CCDC81: variants seen among roughly 807,000 people sequenced by gnomAD.
The protein encoded by CCDC81 is coiled-coil domain-containing protein 81.
A neutral mutation model predicts 83.7 loss-of-function variants in CCDC81; 79 were observed. The observed-to-expected ratio is 0.94, with a 90% CI of 0.79 to 1.14. The LOEUF is 1.14. CCDC81 is among the 50% of genes most tolerant of loss of function. The pLI is 0.00. For missense variants in CCDC81, 791 were observed against 778.1 expected, an observed-to-expected ratio of 1.02 and a Z score of -0.20; for synonymous variants, 252 against 278.1, an observed-to-expected ratio of 0.91 and a Z score of 0.93.
At chr11:86,415,533 T>C (rs1286695931) in intron 13 of CCDC81, among the ~76,000 whole-genome samples, 1 of 152,204 alleles carries the variant, frequency 6.6e-6, no homozygotes, top group African/African-American at 2.4e-5. Flanking sequence ...ATGAAGAAAA[T>C]GTTATTAAAT....
At chr11:86,412,285 T>G (rs1490168735) in intron 10 of CCDC81, 102 bp from the exon 11 acceptor site, 1 of 967,250 alleles carries the variant, frequency 1.0e-6, no homozygotes, top group Non-Finnish European at 1.5e-6. Flanking sequence ...TGGGCAAATA[T>G]TATAAATTAA....
chr11:86,398,544 A>T (rs79452944), intron 6 of CCDC81, among the ~76,000 whole-genome samples: 1 of 151,224 alleles, frequency 6.6e-6, no homozygotes, highest in African/African-American at 2.4e-5. Flanking sequence ...TTTTTTTTTA[A>T]CCAAAGACTT....
At chr11:86,417,888 CAGGTG>C (rs1948743100) in intron 13 of CCDC81, among the ~76,000 whole-genome samples, 1 of 151,958 alleles carries the variant, frequency 6.6e-6, no homozygotes, top group African/African-American at 2.4e-5. Flanking sequence ...GCTGGGACTA[CAGGTG>C]CATGCCACCA....
chr11:86,392,727 A>T lies in CCDC81; in HGVS notation c.485A>T (p.Lys162Met), dbSNP rs573544982. Reference protein sequence around the residue: ...GVLMIRDSKVKMRFYKDFLCT... With the variant: ...GVLMIRDSKVMMRFYKDFLCT... ...CTCATGATCAGAGACAGCAAAGTGA[A>T]GATGAGGTTTTATAAAGACTTCCTT... is the stretch of plus-strand genomic sequence containing the variant. The change falls in exon 4 of 15, where the codon AAG becomes ATG. Residue 162 changes from lysine to methionine, a missense_variant. Transcript: ENST00000445632. The T allele has an allele frequency of 5.2e-5, 81 of 1,551,694 alleles. No individual in the cohort carries two copies. In the East Asian group the frequency reaches 1.9e-3, roughly 36 times the overall value.
intron 3 of CCDC81, among the ~76,000 whole-genome samples, chr11:86,388,523 G>T (rs1481071435): frequency 6.6e-6 from 1 of 152,150 alleles, no homozygotes; most frequent in African/African-American, 2.4e-5. Context: ...TGAAAAGGCT[G>T]AAACTGTCCT....
intron 1 of CCDC81, among the ~76,000 whole-genome samples, chr11:86,384,553 T>C (rs925019552): frequency 4.6e-5 from 7 of 152,218 alleles, no homozygotes; most frequent in Non-Finnish European, 4.4e-5. Context: ...TAAAAATATT[T>C]ATAACTCTGA....
chr11:86,404,642 C>T (rs1034030031), intron 7 of CCDC81, among the ~76,000 whole-genome samples: 2 of 152,044 alleles, frequency 1.3e-5, no homozygotes, highest in African/African-American at 4.8e-5. Flanking sequence ...ATTGTGGATC[C>T]TGAATATTAT....
intron 10 of CCDC81, among the ~76,000 whole-genome samples, chr11:86,410,325 T>C (rs1948624655): frequency 6.6e-6 from 1 of 152,206 alleles, no homozygotes; most frequent in Non-Finnish European, 1.5e-5. Context: ...ACTGTGCTGG[T>C]GTCTAGGAAT....
chr11:86,376,384 G>A (rs939601917), intron 1 of CCDC81, among the ~76,000 whole-genome samples: 1 of 152,162 alleles, frequency 6.6e-6, no homozygotes, highest in African/African-American at 2.4e-5. Context: ...AAAGGAAAGA[G>A]GTTTAATTGA....
chr11:86,375,808 A>C (rs942671164), intron 1 of CCDC81, among the ~76,000 whole-genome samples: 1 of 152,176 alleles, frequency 6.6e-6, no homozygotes, highest in Admixed American at 6.5e-5. Context: ...AGTCACCCCA[A>C]AGTGAGGCTG....
chr11:86,418,144 A>G (rs532107012), intron 13 of CCDC81, among the ~76,000 whole-genome samples: 7 of 152,234 alleles, frequency 4.6e-5, no homozygotes, highest in Non-Finnish European at 1.0e-4. Flanking sequence ...AATTATTATG[A>G]AAGTGCAAAC....
intron 3 of CCDC81, 110 bp downstream of exon 3, chr11:86,387,782 A>G: frequency 1.3e-6 from 1 of 765,616 alleles, no homozygotes; most frequent in Non-Finnish European, 2.0e-6. Flanking sequence ...TATTTGAGGA[A>G]CTCACTTTTC....
intron 4 of CCDC81, among the ~76,000 whole-genome samples, chr11:86,394,665 T>C (rs188062321): frequency 3.5e-4 from 53 of 152,348 alleles, no homozygotes; most frequent in Non-Finnish European, 6.0e-4. Flanking sequence ...TACTTCTTTT[T>C]GGGAATTCAC....
chr11:86,400,606 T>C (rs1948472607), intron 6 of CCDC81, 72 bp from the exon 7 acceptor site: 1 of 1,433,764 alleles, frequency 7.0e-7, no homozygotes, highest in African/African-American at 1.4e-5. Context: ...AAATTTCCCT[T>C]GGTAAAAACT....
At chr11:86,409,508 A>T (rs1948609129) in intron 10 of CCDC81, 143 bp downstream of exon 10, 2 of 448,982 alleles carry the variant, frequency 4.5e-6, no homozygotes, top group African/African-American at 4.1e-5. Flanking sequence ...GCTGCAGTGC[A>T]ATGGTGTGGT....
intron 3 of CCDC81, among the ~76,000 whole-genome samples, 172 bp downstream of exon 3, chr11:86,387,844 T>C (rs1317328532): frequency 1.3e-5 from 2 of 152,200 alleles, no homozygotes; most frequent in Non-Finnish European, 2.9e-5. Flanking sequence ...TAATAGAGTC[T>C]TCCTGAAGGC....
Position 86,400,719 on chromosome 11 carries a change from T to C in CCDC81, c.799T>C (p.Phe267Leu). ...PKRLRDRQAL[F>L]PAKVTNVSLL... ...AAGACTTCGAGATAGACAAGCTTTG[T>C]TCCCTGCCAAAGTGACAAATGTCAG... The change falls in exon 7 of 15, where the codon TTC (phenylalanine) becomes CTC (leucine). Residue 267 changes from phenylalanine to leucine, a missense_variant. Phe to Leu is a conservative substitution (Grantham distance 22, BLOSUM62 0). Coordinates refer to ENST00000445632, the MANE Select transcript of CCDC81 (RefSeq NM_001156474.2). 6.2e-7 allele frequency: 1 copy of C among 1,613,136 alleles called. No individual in the cohort carries two copies. Among genetic ancestry groups the C allele is most frequent in the Non-Finnish European group, 8.5e-7 (1 of 1,179,224 alleles).
rs752958730 is a variant in CCDC81, at chr11:86,375,167, T to C, written c.4T>C (p.Leu2=). The stretch of plus-strand genomic sequence containing the variant: ...CGGAGTCACCTGGAAATTGGAGATG[T>C]TGGATACGATCGCCCGTGCCCTGCA... M[L]DTIARALQDL... The change falls in exon 1 of 15, where the codon TTG becomes CTG. Residue 2 remains leucine, a synonymous_variant. Transcript: ENST00000445632. 9.9e-6 allele frequency: 16 copies of C among 1,613,550 alleles called. No individual in the cohort carries two copies. In the Middle Eastern group the frequency reaches 4.9e-4, roughly 50 times the overall value.
chr11:86,411,287 C>T (rs1948638176), intron 10 of CCDC81, among the ~76,000 whole-genome samples: 1 of 152,148 alleles, frequency 6.6e-6, no homozygotes, highest in Admixed American at 6.5e-5. Context: ...TGTCTTTGCG[C>T]TTAATGTTCC....
Sources: gnomAD v4.1 joint callset for allele counts (sites outside exome capture counted in the v4.1 genomes callset) on GRCh38, gnomAD v4.1.1 for gene constraint, MANE v1.5 for transcripts, NCBI Gene and HGNC (gene_info 2026-07-23, HGNC 2026-07-21) for gene names.